Variants in TMPRSS11A observed in about 807,000 individuals in gnomAD.
TMPRSS11A encodes the protein transmembrane serine protease 11A.
A neutral mutation model predicts 58.9 loss-of-function variants in TMPRSS11A; 53 were observed. The observed-to-expected ratio is 0.90, with a 90% confidence interval of 0.72 to 1.13. The LOEUF is 1.13. Ranked by LOEUF, TMPRSS11A falls within the 50% of genes most tolerant of loss-of-function variation. The pLI is 0.00. For synonymous variants in TMPRSS11A, 167 were observed against 169.8 expected, an observed-to-expected ratio of 0.98 and a Z score of 0.13; for missense variants, 493 against 499.3, an observed-to-expected ratio of 0.99 and a Z score of 0.12.
chr4:67,915,339 A>C (rs1720118263), intron 8 of TMPRSS11A, among the ~76,000 whole-genome samples: 1 of 152,192 alleles, frequency 6.6e-6, no homozygotes, highest in Admixed American at 6.5e-5. Context: ...AAAACTAAGA[A>C]TAGCACAAGC....
intron 1 of TMPRSS11A, among the ~76,000 whole-genome samples, chr4:67,949,263 G>T (rs1414589821): frequency 1.3e-5 from 2 of 152,096 alleles, no homozygotes; most frequent in East Asian, 3.9e-4. Context: ...TGGGATCAGA[G>T]CTGAAGAGTG....
chr4:67,916,775 C>G (rs536298450), intron 8 of TMPRSS11A, among the ~76,000 whole-genome samples: 1 of 151,766 alleles, frequency 6.6e-6, no homozygotes, highest in African/African-American at 2.4e-5. Flanking sequence ...TGCAGTGAGC[C>G]GAGATCACGC....
intron 9 of TMPRSS11A, among the ~76,000 whole-genome samples, chr4:67,914,154 T>C (rs1467295583): frequency 6.6e-6 from 1 of 152,266 alleles, no homozygotes; most frequent in Non-Finnish European, 1.5e-5. Context: ...TATTTTCTTA[T>C]TCTGAAATTG....
intron 3 of TMPRSS11A, 62 bp downstream of exon 3, chr4:67,944,457 T>C: frequency 6.4e-7 from 1 of 1,550,734 alleles, no homozygotes. Flanking sequence ...AATGGAGAAA[T>C]GATCCACAAA....
intron 7 of TMPRSS11A, 22 bp downstream of exon 7, chr4:67,922,733 T>C: frequency 1.3e-6 from 2 of 1,596,452 alleles, no homozygotes; most frequent in Non-Finnish European, 1.7e-6. Flanking sequence ...AAGTGGGTTC[T>C]AACTTAAGGT....
At chr4:67,924,098 A>G in intron 6 of TMPRSS11A, 30 bp downstream of exon 6, 4 of 1,593,754 alleles carry the variant, frequency 2.5e-6, no homozygotes, top group Non-Finnish European at 3.4e-6. Context: ...GTGAAAATTG[A>G]ACTTGTTTAT....
intron 1 of TMPRSS11A, among the ~76,000 whole-genome samples, chr4:67,947,140 T>G (rs573603902): frequency 6.6e-6 from 1 of 152,260 alleles, no homozygotes; most frequent in South Asian, 2.1e-4. Context: ...AAATAAAACA[T>G]CGTGACTTTT....
rs373001777 is a variant in TMPRSS11A, at chr4:67,937,849, A to T, written c.253-5789T>A. Among the ~76,000 whole-genome samples, 75 of 152,244 alleles carry T rather than the reference A, an allele frequency of 4.9e-4. 1 individual carries two copies. The South Asian group carries it at 0.013, about 26-fold the overall frequency. ...TGATTCCACATCTTTGCTATTGTGA[A>T]TACTGTGGTAATTAATGTGAGAGTG... is the stretch of plus-strand genomic sequence containing the variant. On this transcript the variant is annotated intron_variant, in intron 3 of 9. Transcript: ENST00000508048.
chr4:67,913,887 A>G (rs981693675), intron 9 of TMPRSS11A, among the ~76,000 whole-genome samples: 1 of 152,204 alleles, frequency 6.6e-6, no homozygotes, highest in African/African-American at 2.4e-5. Flanking sequence ...AAAGTATCTC[A>G]TGTTAAAAAG....
intron 5 of TMPRSS11A, among the ~76,000 whole-genome samples, chr4:67,928,074 G>A (rs1720518484): frequency 6.6e-6 from 1 of 152,086 alleles, no homozygotes; most frequent in African/African-American, 2.4e-5. Flanking sequence ...ATGGAGTCTT[G>A]CTCTGTCAAG....
chr4:67,960,721 C>G (rs1396397092), intron 1 of TMPRSS11A, among the ~76,000 whole-genome samples: 4 of 151,880 alleles, frequency 2.6e-5, no homozygotes, highest in Admixed American at 6.6e-5. Flanking sequence ...TTGCTCATGG[C>G]AAATTAAAAG....
intron 1 of TMPRSS11A, among the ~76,000 whole-genome samples, chr4:67,952,390 A>G (rs1721183448): frequency 6.6e-6 from 1 of 152,210 alleles, no homozygotes; most frequent in South Asian, 2.1e-4. Context: ...TGGAACTTCA[A>G]GTAGCATAAA....
chr4:67,922,500 T>C (rs1720356870), intron 7 of TMPRSS11A, among the ~76,000 whole-genome samples: 1 of 152,206 alleles, frequency 6.6e-6, no homozygotes, highest in African/African-American at 2.4e-5. Flanking sequence ...ACAAAATAGT[T>C]CTGATTTCTT....
chr4:67,920,287 C>T (rs531258608), intron 7 of TMPRSS11A, among the ~76,000 whole-genome samples: 4 of 152,134 alleles, frequency 2.6e-5, no homozygotes, highest in African/African-American at 9.6e-5. Flanking sequence ...ACATATCTGC[C>T]TGCCTCTCTC....
At chr4:67,944,703 T>C in intron 2 of TMPRSS11A, 66 bp from the exon 3 acceptor site, 1 of 1,377,516 alleles carries the variant, frequency 7.3e-7, no homozygotes, top group South Asian at 1.3e-5. Flanking sequence ...TCAATTACAA[T>C]GGGGCCAATA....
chr4:67,941,477 C>G (rs916357353), intron 3 of TMPRSS11A, among the ~76,000 whole-genome samples: 1 of 152,082 alleles, frequency 6.6e-6, no homozygotes, highest in South Asian at 2.1e-4. Flanking sequence ...GTAATTTAGC[C>G]CTTAATTATA....
At chr4:67,926,177 T>A (rs918438692) in intron 5 of TMPRSS11A, among the ~76,000 whole-genome samples, 2 of 152,176 alleles carry the variant, frequency 1.3e-5, no homozygotes, top group Non-Finnish European at 2.9e-5. Flanking sequence ...AAGAAGTTGA[T>A]TTTAGCTTTG....
chr4:67,952,672 G>A (rs1226040229), intron 1 of TMPRSS11A, among the ~76,000 whole-genome samples: 1 of 152,132 alleles, frequency 6.6e-6, no homozygotes, highest in East Asian at 1.9e-4. Flanking sequence ...CCATATTTGA[G>A]GTTGTTTGTA....
intron 1 of TMPRSS11A, among the ~76,000 whole-genome samples, chr4:67,962,554 C>G (rs985412291): frequency 6.6e-6 from 1 of 152,076 alleles, no homozygotes; most frequent in Non-Finnish European, 1.5e-5. Context: ...TGGGAGTTAA[C>G]GATACTTGTG....
Sources: allele counts gnomAD v4.1 joint callset (sites outside exome capture counted in the v4.1 genomes callset), GRCh38; gene constraint gnomAD v4.1.1; transcripts MANE v1.5; gene names NCBI Gene and HGNC (gene_info 2026-07-23, HGNC 2026-07-21).